UBA2: variants seen among roughly 807,000 people sequenced by gnomAD.
UBA2 encodes the protein ubiquitin like modifier activating enzyme 2.
Under a neutral mutation model 77.2 loss-of-function variants are expected in UBA2, and 11 were observed. That is an observed-to-expected ratio of 0.14 (90% CI 0.09 to 0.24). UBA2 has a LOEUF of 0.24. Ranked by LOEUF, UBA2 falls within the 10% of genes least tolerant of loss-of-function variation. The pLI, the probability that UBA2 is intolerant of heterozygous loss-of-function variation, is 1.00. For synonymous variants in UBA2, 278 were observed against 276.7 expected (o/e 1.00, Z -0.05); for missense variants, 487 against 781.7 (o/e 0.62, Z 4.50).
chr19:34,429,231 C>G, intron 1 of UBA2: 2 of 985,404 alleles, frequency 2.0e-6, no homozygotes, highest in Non-Finnish European at 2.4e-6. Flanking sequence ...ACGGTACACT[C>G]GCTTGTTTCA....
chr19:34,434,588 C>T (rs2075289848), intron 4 of UBA2, among the ~76,000 whole-genome samples: 3 of 152,162 alleles, frequency 2.0e-5, no homozygotes, highest in Admixed American at 1.3e-4. Flanking sequence ...GTGTAAGGTA[C>T]AGCAATAGAA....
chr19:34,461,862 C>T (rs951722716), intron 14 of UBA2, among the ~76,000 whole-genome samples: 18 of 152,038 alleles, frequency 1.2e-4, no homozygotes, highest in Admixed American at 8.5e-4. Flanking sequence ...GTATATTCAG[C>T]TTTGTGAAAC....
At position 34,454,559 on chromosome 19, in the gene UBA2, G is replaced by A. The variant is rs756527148; in HGVS notation, c.1245+3G>A. ...GAAAAATAGACCAGTGCAGAACAGTGAGTATTTCTGTTTGCATTTTTATGC... is the reference window on the plus strand; with the variant it reads ...GAAAAATAGACCAGTGCAGAACAGTAAGTATTTCTGTTTGCATTTTTATGC... On this transcript the variant is annotated splice_donor_region_variant and intron_variant, in intron 12 of 16. Coordinates refer to ENST00000246548, the MANE Select transcript of UBA2 (RefSeq NM_005499.3). The A allele has an allele frequency of 1.4e-6, 2 of 1,469,902 alleles. No individual in the cohort carries two copies. Among genetic ancestry groups the A allele is most frequent in the East Asian group, 2.3e-5 (1 of 42,634 alleles). The allele number at this position is 1,469,902 out of a possible 1,614,324, so 91.1% of individuals were successfully genotyped here. A position where few individuals can be genotyped will look rare whatever the true frequency, so the allele number is the denominator to read the frequency against.
chr19:34,464,258 T>A (rs1388187854), intron 15 of UBA2, 127 bp downstream of exon 15: 1 of 637,336 alleles, frequency 1.6e-6, no homozygotes, highest in Non-Finnish European at 2.7e-6. Context: ...GTATATTTGG[T>A]TGAGTTGGTC....
rs1019056480 is a variant in UBA2 at position 34,428,411 on chromosome 19, C to A, written c.-22C>A. 8.0e-6 allele frequency: 10 copies of A among 1,245,102 alleles called. No individual in the cohort carries two copies. In the African/African-American group the frequency reaches 1.4e-4, roughly 17 times the overall value. The allele number at this position is 1,245,102 out of a possible 1,614,324, so 77.1% of individuals were successfully genotyped here. A position where few individuals can be genotyped will look rare whatever the true frequency, so the allele number is the denominator to read the frequency against. ...TCGGTTCTCCCGCCTCCGCCTCCGC[C>A]GCGGCTCGTGGTTGTCCCGCCATGG... On this transcript the variant is annotated 5_prime_UTR_variant, in exon 1 of 17. Transcript: ENST00000246548.
Position 34,442,808 on chromosome 19 carries a change from G to A in UBA2, c.582-1036G>A, listed in dbSNP as rs1466810473. Reference sequence around the variant, plus strand: ...ATTGGTGGACCATTTTAAATTAGCGGCTGTCTACTATTTTGCACTCACTAG... The same window carrying A: ...ATTGGTGGACCATTTTAAATTAGCGACTGTCTACTATTTTGCACTCACTAG... On this transcript the variant is annotated intron_variant, in intron 6 of 16. Transcript: ENST00000246548. 3.3e-5 allele frequency among the ~76,000 whole-genome samples: 5 copies of A among 152,174 alleles called. No homozygotes were observed. The East Asian group carries it at 7.7e-4, about 23-fold the overall frequency.
rs146138948 is a variant in UBA2, at chr19:34,445,091, T to C, written c.741T>C (p.Thr247=). 8 of 1,613,276 alleles carry C rather than the reference T, an allele frequency of 5.0e-6. No homozygotes were observed. The African/African-American group carries it at 1.1e-4, about 22-fold the overall frequency. Residue 247 remains threonine, a synonymous_variant, in exon 8 of 17, where the codon ACT becomes ACC. Coordinates refer to ENST00000246548, the MANE Select transcript of UBA2 (RefSeq NM_005499.3). Reference sequence around the variant, plus strand: ...CTACTAAGGAATGGGCTAAATCAACTGGATATGATCCAGTTAAACTTTTTA... The same window carrying C: ...CTACTAAGGAATGGGCTAAATCAACCGGATATGATCCAGTTAAACTTTTTA... ...RISTKEWAKS[T]GYDPVKLFTK... is the part of the protein sequence containing the mutation.
At chr19:34,436,367 TCAGC>T (rs1267895329) in intron 5 of UBA2, among the ~76,000 whole-genome samples, 4 of 152,036 alleles carry the variant, frequency 2.6e-5, no homozygotes, top group Non-Finnish European at 5.9e-5. Flanking sequence ...TGGCGCGATC[TCAGC>T]TCGCCGCAAC....
chr19:34,458,165 C>T (rs1437457166), intron 12 of UBA2, among the ~76,000 whole-genome samples: 1 of 152,196 alleles, frequency 6.6e-6, no homozygotes, highest in Non-Finnish European at 1.5e-5. Context: ...TGCCCTTACT[C>T]TTGCCAAATC....
intron 9 of UBA2, 85 bp from the exon 10 acceptor site, chr19:34,451,896 T>G: frequency 1.5e-6 from 1 of 680,782 alleles, no homozygotes; most frequent in South Asian, 3.7e-5. Flanking sequence ...TTCTTAATGG[T>G]CGGGGATTGA....
rs2287830 is a variant in UBA2, at chr19:34,428,394, C to T, written c.-39C>T. 3.2e-6 allele frequency: 4 copies of T among 1,234,800 alleles called. No individual in the cohort carries two copies. The East Asian group carries it at 9.4e-5, about 29-fold the overall frequency. 76.5% of individuals were successfully genotyped at this position (1,234,800 alleles called of 1,614,324 possible). A position where few individuals can be genotyped will look rare whatever the true frequency, so the allele number is the denominator to read the frequency against. Reference sequence around the variant, plus strand: ...CCGCTTCCGGCCGCGGCTCGGTTCTCCCGCCTCCGCCTCCGCCGCGGCTCG... The same window carrying T: ...CCGCTTCCGGCCGCGGCTCGGTTCTTCCGCCTCCGCCTCCGCCGCGGCTCG... On this transcript the variant is annotated 5_prime_UTR_variant, in exon 1 of 17. Transcript: ENST00000246548.
Position 34,452,027 on chromosome 19 carries a change from C to T in UBA2, c.918C>T (p.Gly306=). Residue 306 remains glycine, a synonymous_variant, in exon 10 of 17, where the codon GGC becomes GGT. Transcript: ENST00000246548. ...ATCAACAGAATGAACCCCAGTTAGG[C>T]CTGAAAGACCAGCAGGTTCTAGATG... ...ASDQQNEPQL[G]LKDQQVLDVK... 6.2e-7 allele frequency: 1 copy of T among 1,605,406 alleles called. No individual in the cohort carries two copies. Among genetic ancestry groups the T allele is most frequent in the African/African-American group, 1.3e-5 (1 of 74,804 alleles).
chr19:34,461,191 A>G (rs949670981), intron 14 of UBA2, among the ~76,000 whole-genome samples: 1 of 151,896 alleles, frequency 6.6e-6, no homozygotes, highest in African/African-American at 2.4e-5. Flanking sequence ...CGTTTTTTCC[A>G]TGTCCCAGTT....
At chr19:34,440,843 T>C (rs1285933930) in intron 6 of UBA2, among the ~76,000 whole-genome samples, 1 of 150,802 alleles carries the variant, frequency 6.6e-6, no homozygotes, top group African/African-American at 2.4e-5. Context: ...GGAGAATTGC[T>C]TGAACCCGGG....
chr19:34,446,442 C>T (rs2075431020), intron 8 of UBA2, among the ~76,000 whole-genome samples: 1 of 152,090 alleles, frequency 6.6e-6, no homozygotes, highest in South Asian at 2.1e-4. Context: ...ACAGGATTTT[C>T]GTCTCTGTCC....
Position 34,449,566 on chromosome 19 carries a change from A to G in UBA2, c.772-699A>G, listed in dbSNP as rs150110816. Among the ~76,000 whole-genome samples the G allele has an allele frequency of 1.8e-4, 28 of 152,378 alleles. No individual in the cohort carries two copies. The East Asian group carries it at 4.6e-3, about 25-fold the overall frequency. On this transcript the variant is annotated intron_variant, in intron 8 of 16. Transcript: ENST00000246548. ...GGTACCAGCAATAAATGTGTTGAAT[A>G]AATTAATCAACAATAGAAAATGCAG...
At chr19:34,468,653 T>C (rs2075711188) in intron 16 of UBA2, among the ~76,000 whole-genome samples, 1 of 152,136 alleles carries the variant, frequency 6.6e-6, no homozygotes, top group Non-Finnish European at 1.5e-5. Context: ...ATTAAATGAG[T>C]TGTCATATGC....
intron 15 of UBA2, among the ~76,000 whole-genome samples, chr19:34,465,506 A>G (rs756179504): frequency 2.5e-4 from 38 of 151,914 alleles, no homozygotes; most frequent in Non-Finnish European, 4.7e-4. Context: ...GTGTGGTGGC[A>G]TGTGCCTGCA....
At chr19:34,431,281 T>TCACTCTG (rs2075252490) in intron 2 of UBA2, among the ~76,000 whole-genome samples, 1 of 121,936 alleles carries the variant, frequency 8.2e-6, no homozygotes, top group Admixed American at 1.0e-4. Context: ...AGATAGGGTC[T>TCACTCTG]CACTCTGTCG....
Sources: gnomAD v4.1 joint callset for allele counts (sites outside exome capture counted in the v4.1 genomes callset) on GRCh38, gnomAD v4.1.1 for gene constraint, MANE v1.5 for transcripts, NCBI Gene and HGNC (gene_info 2026-07-23, HGNC 2026-07-21) for gene names.